LIN52: variants seen among roughly 807,000 people sequenced by gnomAD.
The protein encoded by LIN52 is protein lin-52 homolog.
Under a neutral mutation model 18.5 loss-of-function variants are expected in LIN52, and 4 were observed. The observed-to-expected ratio is 0.22, with a 90% CI of 0.11 to 0.49. The LOEUF (loss-of-function observed/expected upper bound fraction) is 0.49, where lower values mean the gene tolerates loss of function less well. Among genes scored for constraint, LIN52 ranks in the 20% least tolerant of loss-of-function variants. LIN52 has a pLI of 0.97. For synonymous variants in LIN52, 34 were observed against 45.5 expected (o/e 0.75, Z 1.02); for missense variants, 102 against 139.5 (o/e 0.73, Z 1.35).
intron 5 of LIN52, among the ~76,000 whole-genome samples, chr14:74,129,200 A>C (rs1334779744): frequency 6.6e-6 from 1 of 152,218 alleles, no homozygotes; most frequent in Non-Finnish European, 1.5e-5. Context: ...TTGACTCTTA[A>C]GAGGGACAAA....
chr14:74,147,260 A>G (rs559975777), intron 5 of LIN52, among the ~76,000 whole-genome samples: 1 of 152,306 alleles, frequency 6.6e-6, no homozygotes, highest in Admixed American at 6.5e-5. Context: ...CTTCATCTCA[A>G]ACAAACAAAA....
rs572522828 is a variant in LIN52 at position 74,161,854 on chromosome 14, G to T, written c.284-37068G>T. Among the ~76,000 whole-genome samples, 5 of 152,320 alleles carry T rather than the reference G, an allele frequency of 3.3e-5. No individual in the cohort carries two copies. The South Asian group carries it at 1.0e-3, about 32-fold the overall frequency. ...TCGCTGCACAGAAGAGCCACACGGT[G>T]CAAGAAGGAAGAAAAGGCCTTTTTC... On this transcript the variant is annotated intron_variant, in intron 5 of 5. Transcript: ENST00000555028.
At chr14:74,130,140 G>C (rs1274300472) in intron 5 of LIN52, among the ~76,000 whole-genome samples, 1 of 151,874 alleles carries the variant, frequency 6.6e-6, no homozygotes, top group Non-Finnish European at 1.5e-5. Context: ...CCTACAACAC[G>C]TGGGAATTAT....
At chr14:74,172,045 T>A (rs1435329339) in intron 5 of LIN52, among the ~76,000 whole-genome samples, 3 of 152,236 alleles carry the variant, frequency 2.0e-5, no homozygotes, top group Non-Finnish European at 4.4e-5. Context: ...CCCATTTTAA[T>A]TCTTAAAGCA....
chr14:74,170,075 G>A (rs10483858), intron 5 of LIN52, among the ~76,000 whole-genome samples: 17,002 of 152,146 alleles, frequency 0.11, 1,249 homozygotes, highest in Admixed American at 0.19. Flanking sequence ...TTAGAATAAC[G>A]TGGACAGGAA....
At chr14:74,092,060 C>T (rs1430415130) in intron 2 of LIN52, among the ~76,000 whole-genome samples, 1 of 151,682 alleles carries the variant, frequency 6.6e-6, no homozygotes, top group Non-Finnish European at 1.5e-5. Context: ...CATCCTCTGC[C>T]TCAGGGTTCA....
intron 5 of LIN52, among the ~76,000 whole-genome samples, chr14:74,149,132 T>A (rs1257520638): frequency 2.0e-5 from 3 of 152,186 alleles, no homozygotes; most frequent in African/African-American, 7.2e-5. Flanking sequence ...ACTGAAGTAG[T>A]TGGTTACTAT....
At chr14:74,169,934 G>T (rs115435944) in intron 5 of LIN52, among the ~76,000 whole-genome samples, 2,144 of 152,288 alleles carry the variant, frequency 0.014, 47 homozygotes, top group African/African-American at 0.048. Flanking sequence ...GCCTGAGTGG[G>T]GGTTTCAGGA....
At chr14:74,087,560 T>C (rs778121780) in intron 1 of LIN52, among the ~76,000 whole-genome samples, 4 of 152,174 alleles carry the variant, frequency 2.6e-5, no homozygotes, top group Admixed American at 6.5e-5. Flanking sequence ...CTTTTTAATC[T>C]GAAAAAATCA....
At chr14:74,152,920 A>G (rs1003905443) in intron 5 of LIN52, among the ~76,000 whole-genome samples, 3 of 142,896 alleles carry the variant, frequency 2.1e-5, no homozygotes, top group African/African-American at 8.0e-5. Flanking sequence ...AGATCGCACC[A>G]CTGCCCTCCA....
At chr14:74,130,588 ATTTTT>A (rs34746271) in intron 5 of LIN52, among the ~76,000 whole-genome samples, 1 of 72,958 alleles carries the variant, frequency 1.4e-5, no homozygotes, top group Non-Finnish European at 2.4e-5. Context: ...TAAATTGGCC[ATTTTT>A]TTTTTTTTTT....
chr14:74,131,107 C>T (rs912305442), intron 5 of LIN52, among the ~76,000 whole-genome samples: 1 of 151,926 alleles, frequency 6.6e-6, no homozygotes, highest in Admixed American at 6.6e-5. Flanking sequence ...ATTTTTTATT[C>T]TTAAGTATTC....
chr14:74,128,948 C>A (rs1451512151), intron 5 of LIN52, among the ~76,000 whole-genome samples: 1 of 151,534 alleles, frequency 6.6e-6, no homozygotes, highest in African/African-American at 2.4e-5. Context: ...TCTAAAAAAA[C>A]AAAACAAAAC....
chr14:74,091,396 A>C, intron 2 of LIN52, 90 bp downstream of exon 2: 1 of 957,470 alleles, frequency 1.0e-6, no homozygotes, highest in Non-Finnish European at 1.5e-6. Context: ...TTATTTTGTA[A>C]ATTTTTATTT....
chr14:74,092,778 G>A (rs1010572123), intron 2 of LIN52, among the ~76,000 whole-genome samples: 6 of 151,538 alleles, frequency 4.0e-5, no homozygotes, highest in Non-Finnish European at 8.8e-5. Context: ...TTAACTGGCC[G>A]TGGTGGTGCA....
intron 5 of LIN52, among the ~76,000 whole-genome samples, chr14:74,110,054 A>C (rs2060917540): frequency 6.6e-6 from 1 of 152,178 alleles, no homozygotes; most frequent in African/African-American, 2.4e-5. Flanking sequence ...CCACAGTGTT[A>C]GCTGTGGGCT....
chr14:74,122,612 TC>T (rs2061006558), intron 5 of LIN52, among the ~76,000 whole-genome samples: 1 of 152,204 alleles, frequency 6.6e-6, no homozygotes. Context: ...ACACCTGTAA[TC>T]CCAGTACTTT....
chr14:74,159,796 T>TCGTGA (rs971174201), intron 5 of LIN52, among the ~76,000 whole-genome samples: 4 of 152,176 alleles, frequency 2.6e-5, no homozygotes, highest in Non-Finnish European at 5.9e-5. Flanking sequence ...GGTCTCGAAC[T>TCGTGA]CGTGACCTCA....
intron 5 of LIN52, among the ~76,000 whole-genome samples, chr14:74,142,567 T>G (rs953046662): frequency 1.3e-5 from 2 of 151,824 alleles, no homozygotes; most frequent in Admixed American, 6.6e-5. Flanking sequence ...TTAAATTAAT[T>G]AAAAATAAAA....
Sources: gnomAD v4.1 joint callset for allele counts (sites outside exome capture counted in the v4.1 genomes callset) on GRCh38, gnomAD v4.1.1 for gene constraint, MANE v1.5 for transcripts, NCBI Gene and HGNC (gene_info 2026-07-23, HGNC 2026-07-21) for gene names.